The following PNPLA8 variants were observed in gnomAD, a reference collection of about 807,000 sequenced individuals.
PNPLA8 encodes the protein calcium-independent phospholipase A2-gamma.
In PNPLA8, 39 loss-of-function variants were observed where a neutral mutation model predicts 76.9. The observed-to-expected ratio is 0.51, with a 90% CI of 0.39 to 0.66. The LOEUF (loss-of-function observed/expected upper bound fraction) is 0.66. Among genes scored for constraint, PNPLA8 ranks in the 30% least tolerant of loss-of-function variants. The pLI, the probability that PNPLA8 is intolerant of heterozygous loss-of-function variation, is 0.00. For missense variants in PNPLA8, 887 were observed against 918.0 expected, an observed-to-expected ratio of 0.97 and a Z score of 0.44; for synonymous variants, 301 against 307.9, an observed-to-expected ratio of 0.98 and a Z score of 0.24.
chr7:108,522,096 C>T (rs984070319), intron 1 of PNPLA8, among the ~76,000 whole-genome samples: 3 of 152,004 alleles, frequency 2.0e-5, no homozygotes, highest in Non-Finnish European at 4.4e-5. Context: ...GAGTTCAAGA[C>T]CAGCCTGGCC....
chr7:108,499,289 T>G (rs764355160), intron 5 of PNPLA8, among the ~76,000 whole-genome samples: 2 of 152,178 alleles, frequency 1.3e-5, no homozygotes, highest in Non-Finnish European at 2.9e-5. Flanking sequence ...TAACTACTCG[T>G]ATAATTGGGA....
chr7:108,516,091 A>G (rs1038281130), intron 2 of PNPLA8, among the ~76,000 whole-genome samples: 1 of 152,260 alleles, frequency 6.6e-6, no homozygotes, highest in Non-Finnish European at 1.5e-5. Context: ...GCTGATAGCC[A>G]TGTGAAAAAG....
At position 108,472,464 on chromosome 7, in the gene PNPLA8, A is replaced by C; in HGVS notation, c.2286T>G (p.Ile762Met). 1 of 1,598,070 alleles carries C rather than the reference A, an allele frequency of 6.3e-7. No individual in the cohort carries two copies. The highest frequency in any genetic ancestry group is 1.1e-5 in the South Asian group (1 of 88,346). The change falls in exon 11 of 11, where the codon ATT becomes ATG. Residue 762 changes from isoleucine to methionine, a missense_variant. By Grantham distance (10) the Ile-to-Met change is conservative. Coordinates refer to ENST00000257694, the MANE Select transcript of PNPLA8 (RefSeq NM_001256007.3). Reference sequence around the variant, plus strand: ...CAGTTTTTAATTTTATCCAATCATTAATTTTCTGCAGAGTTGTTTTTTCTT... The same window carrying C: ...CAGTTTTTAATTTTATCCAATCATTCATTTTCTGCAGAGTTGTTTTTTCTT... ...LSQEKTTLQK[I>M]NDWIKLKTDM...
rs957931444 is a variant in PNPLA8 at position 108,496,848 on chromosome 7, C to T, written c.1454-93G>A. On this transcript the variant is annotated intron_variant, in intron 6 of 10. Transcript: ENST00000257694. ...ATCATAGTTTTGGCTTAAATTTTAGCGTTGATACTTTCTAGCTATGTCACC... is the reference window on the plus strand; with the variant it reads ...ATCATAGTTTTGGCTTAAATTTTAGTGTTGATACTTTCTAGCTATGTCACC... 10 of 965,646 alleles carry T rather than the reference C, an allele frequency of 1.0e-5. No individual in the cohort carries two copies. The East Asian group carries it at 1.1e-4, about 11-fold the overall frequency. 59.8% of individuals were successfully genotyped at this position (965,646 alleles called of 1,614,324 possible).
chr7:108,514,625 G>A lies in PNPLA8; in HGVS notation c.867C>T (p.Asn289=). ...CACCTTCCGTGGGACGAGAAAGAAA[G>A]TTAGCAATACTTTGTTTAGTTGAAA... ...LQVSTKQSIA[N]FLSRPTEGVQ... The change falls in exon 3 of 11, where the codon AAC becomes AAT. Residue 289 remains asparagine (N), a synonymous_variant. Coordinates refer to ENST00000257694, the MANE Select transcript of PNPLA8 (RefSeq NM_001256007.3). 6.2e-7 allele frequency: 1 copy of A among 1,614,052 alleles called. No individual in the cohort carries two copies. Among genetic ancestry groups the A allele is most frequent in the Non-Finnish European group, 8.5e-7 (1 of 1,179,952 alleles).
At chr7:108,504,882 G>C (rs1411805106) in intron 4 of PNPLA8, among the ~76,000 whole-genome samples, 1 of 152,160 alleles carries the variant, frequency 6.6e-6, no homozygotes, top group East Asian at 1.9e-4. Context: ...TTCGAGACCA[G>C]CCTGACCAAC....
intron 2 of PNPLA8, among the ~76,000 whole-genome samples, chr7:108,517,891 A>G (rs559633730): frequency 1.3e-5 from 2 of 152,298 alleles, no homozygotes; most frequent in Non-Finnish European, 2.9e-5. Context: ...CACCTGCCTC[A>G]GCCTCCCAAG....
chr7:108,503,433 C>T (rs1252796487), intron 4 of PNPLA8, among the ~76,000 whole-genome samples: 1 of 152,144 alleles, frequency 6.6e-6, no homozygotes, highest in Non-Finnish European at 1.5e-5. Flanking sequence ...ATCAATCAAC[C>T]TGAAATACTC....
chr7:108,505,794 G>T (rs1862377597), intron 4 of PNPLA8, among the ~76,000 whole-genome samples: 2 of 152,050 alleles, frequency 1.3e-5, no homozygotes, highest in South Asian at 4.1e-4. Context: ...AGAGTGAGAA[G>T]GTCAGCCACG....
At chr7:108,526,351 TGTGCGTGC>T (rs10530839), upstream of PNPLA8, 6,163 of 153,256 alleles carry the variant, frequency 0.04, 229 homozygotes, top group African/African-American at 0.096. Context: ...GACAGACGTG[TGTGCGTGC>T]GTGCGTGCGT....
chr7:108,491,596 A>T, intron 7 of PNPLA8, 129 bp from the exon 8 acceptor site: 1 of 648,662 alleles, frequency 1.5e-6, no homozygotes. Context: ...AACATGTAAG[A>T]CTCTCCTCTA....
At chr7:108,483,228 A>C (rs572979235) in intron 9 of PNPLA8, among the ~76,000 whole-genome samples, 1 of 152,336 alleles carries the variant, frequency 6.6e-6, no homozygotes, top group East Asian at 1.9e-4. Flanking sequence ...TTGGCTCTTT[A>C]GTTATAGAAT....
chr7:108,489,885 A>C (rs114250010), intron 8 of PNPLA8, among the ~76,000 whole-genome samples: 5,040 of 152,298 alleles, frequency 0.033, 135 homozygotes, highest in African/African-American at 0.069. Flanking sequence ...GGTTTCAAAC[A>C]CACAAATAAA....
chr7:108,502,711 A>C, intron 4 of PNPLA8, 69 bp from the exon 5 acceptor site: 1 of 1,131,954 alleles, frequency 8.8e-7, no homozygotes, highest in Non-Finnish European at 1.3e-6. Context: ...ATTATTATTA[A>C]CCAATACATG....
intron 9 of PNPLA8, among the ~76,000 whole-genome samples, chr7:108,480,292 C>T (rs970705248): frequency 6.6e-6 from 1 of 152,078 alleles, no homozygotes; most frequent in Admixed American, 6.5e-5. Flanking sequence ...TGCTTGAGCC[C>T]GGGAGGTCAA....
chr7:108,495,538 G>A (rs1363777860), intron 7 of PNPLA8, among the ~76,000 whole-genome samples: 3 of 151,928 alleles, frequency 2.0e-5, no homozygotes, highest in Non-Finnish European at 4.4e-5. Flanking sequence ...TTCTTAGTGG[G>A]ATTATAAATT....
chr7:108,522,662 A>G (rs1437211906), intron 1 of PNPLA8, among the ~76,000 whole-genome samples: 1 of 152,220 alleles, frequency 6.6e-6, no homozygotes, highest in Non-Finnish European at 1.5e-5. Flanking sequence ...AAAATTTTCT[A>G]GATTGAGACC....
In PNPLA8 at chr7:108,479,249, G is replaced by T. The variant is rs778206359; in HGVS notation, c.2009C>A (p.Thr670Lys). Reference protein sequence around the residue: ...TGRYESDVRNTVTYTSLKTKL... With the variant: ...TGRYESDVRNKVTYTSLKTKL... ...AGTTTTCAAGCTTGTGTATGTTACC[G>T]TGTTTCTCACATCACTCTCATAACG... The change falls in exon 10 of 11, where the codon ACG becomes AAG. Residue 670 changes from threonine (T) to lysine (K), a missense_variant. By Grantham distance (78) the Thr-to-Lys change is moderately conservative (BLOSUM62 -1). Transcript: ENST00000257694. The T allele has an allele frequency of 3.1e-6, 5 of 1,612,994 alleles. No homozygotes were observed. The African/African-American group carries it at 6.7e-5, about 22-fold the overall frequency.
rs1489764395 is a variant in PNPLA8, at chr7:108,494,244, G to C, written c.1625+2340C>G. Among the ~76,000 whole-genome samples, 4 of 152,208 alleles carry C rather than the reference G, an allele frequency of 2.6e-5. No homozygotes were observed. The East Asian group carries it at 7.7e-4, about 29-fold the overall frequency. ...TTTAAACTTTTAGTATAAAGAGTAT[G>C]CATGCAGGTTTTGTTACATGGGTAA... On this transcript the variant is annotated intron_variant, in intron 7 of 10. Coordinates refer to ENST00000257694, the MANE Select transcript of PNPLA8 (RefSeq NM_001256007.3).
Sources: allele counts gnomAD v4.1 joint callset (sites outside exome capture counted in the v4.1 genomes callset), GRCh38; gene constraint gnomAD v4.1.1; transcripts MANE v1.5; gene names NCBI Gene and HGNC (gene_info 2026-07-23, HGNC 2026-07-21).